The following PDPR variants were observed in gnomAD, a reference collection of about 807,000 sequenced individuals.
The protein encoded by PDPR is pyruvate dehydrogenase phosphatase regulatory subunit.
In PDPR, 50 loss-of-function variants were observed where a neutral mutation model predicts 102.2. The ratio of observed to expected loss-of-function variants is 0.49; its 90% CI spans 0.39 to 0.62. The LOEUF (loss-of-function observed/expected upper bound fraction) is 0.62. PDPR is among the 20% of genes least tolerant of loss of function. The pLI, the probability that PDPR is intolerant of heterozygous loss-of-function variation, is 0.00. For synonymous variants in PDPR, 259 were observed against 406.0 expected, an observed-to-expected ratio of 0.64 and a Z score of 4.35; for missense variants, 625 against 1,098.2, an observed-to-expected ratio of 0.57 and a Z score of 6.09.
rs1324631288 is a variant in PDPR at position 70,120,385 on chromosome 16, C to T, written c.-32-76C>T. ...ATTTGCTGAATGAATGGCTATCGTT[C>T]TTTGTCAAATCCCTTTCTCATTAAT... is the stretch of plus-strand genomic sequence containing the variant. On this transcript the variant is annotated intron_variant, in intron 2 of 18. Transcript: ENST00000288050. 7 of 781,778 alleles carry T rather than the reference C, an allele frequency of 9.0e-6. No homozygotes were observed. The Admixed American group carries it at 9.3e-5, about 10-fold the overall frequency. 48.4% of individuals were successfully genotyped at this position (781,778 alleles called of 1,614,324 possible).
At chr16:70,125,867 C>T (rs1963909364) in intron 3 of PDPR, among the ~76,000 whole-genome samples, 1 of 152,246 alleles carries the variant, frequency 6.6e-6, no homozygotes, top group South Asian at 2.1e-4. Flanking sequence ...CGCCTGACCT[C>T]AAGTGATCTG....
rs1391179026 is a variant in PDPR, at chr16:70,156,641, G to A, written c.2402G>A (p.Ser801Asn). ...RNGQYVGKTTSSAYSYSLERH... is the reference protein window; with the variant it reads ...RNGQYVGKTTNSAYSYSLERH... Reference sequence around the variant, plus strand: ...GGGCAGTATGTTGGCAAGACCACCAGCAGTGCCTACAGCTACAGCCTGGAG... The same window carrying A: ...GGGCAGTATGTTGGCAAGACCACCAACAGTGCCTACAGCTACAGCCTGGAG... Residue 801 changes from serine to asparagine, a missense_variant, in exon 19 of 19, where the codon AGC (serine) becomes AAC (asparagine). Around this residue, in one of 11 missense-constraint regions of PDPR, gnomAD observed 303 missense variants for 258.9 expected, o/e 1.17. Coordinates refer to ENST00000288050, the MANE Select transcript of PDPR (RefSeq NM_017990.5). 6.2e-7 allele frequency: 1 copy of A among 1,613,982 alleles called. No individual in the cohort carries two copies. Among genetic ancestry groups the A allele is most frequent in the Non-Finnish European group, 8.5e-7 (1 of 1,179,926 alleles).
At chr16:70,150,858 T>TA (rs1411632836) in intron 17 of PDPR, among the ~76,000 whole-genome samples, 16 of 152,264 alleles carry the variant, frequency 1.1e-4, no homozygotes, top group Non-Finnish European at 1.6e-4. Context: ...TAGCTCACTG[T>TA]AGCCTTGAAC....
chr16:70,150,531 A>ATTTTTTTTTTTTTTTT (rs71151175), intron 17 of PDPR, among the ~76,000 whole-genome samples: 2 of 138,298 alleles, frequency 1.4e-5, no homozygotes, highest in Non-Finnish European at 3.1e-5. Context: ...TTTTCTCTTA[A>ATTTTTTTTTTTTTTTT]TTTTTTTTTT....
chr16:70,115,920 T>C (rs1962591566), intron 2 of PDPR, among the ~76,000 whole-genome samples: 1 of 152,176 alleles, frequency 6.6e-6, no homozygotes. Flanking sequence ...TTGGTTTTGC[T>C]GCCAACCTTA....
intron 15 of PDPR, among the ~76,000 whole-genome samples, chr16:70,145,143 C>T (rs1164963156): frequency 6.6e-6 from 1 of 152,180 alleles, no homozygotes; most frequent in East Asian, 1.9e-4. Context: ...GTCCCAGCTA[C>T]TCATGAGGCT....
At chr16:70,134,406 A>G (rs1330197751) in intron 9 of PDPR, among the ~76,000 whole-genome samples, 2 of 151,774 alleles carry the variant, frequency 1.3e-5, no homozygotes, top group Non-Finnish European at 2.9e-5. Context: ...TTGTGTTTTT[A>G]GTAGAGATGG....
At chr16:70,140,882 G>A (rs1219439913) in intron 11 of PDPR, among the ~76,000 whole-genome samples, 3 of 152,236 alleles carry the variant, frequency 2.0e-5, no homozygotes, top group Non-Finnish European at 4.4e-5. Flanking sequence ...AGTACTAGGA[G>A]ATGGAGAGAT....
In PDPR at chr16:70,161,292, A is replaced by C. The variant is rs1967765469; in HGVS notation, c.*4413A>C. The stretch of plus-strand genomic sequence containing the variant: ...TGAGACTCTTGTCTCAAAAAAAAAA[A>C]AAAAAAAATCTAAGATAGAGGTTTG... On this transcript the variant is annotated 3_prime_UTR_variant, in exon 19 of 19. Transcript: ENST00000288050. The C allele has an allele frequency of 6.5e-6, 1 of 152,954 alleles. No individual in the cohort carries two copies. Among genetic ancestry groups the C allele is most frequent in the Non-Finnish European group, 1.5e-5 (1 of 68,662 alleles). The allele number at this position is 152,954 out of a possible 1,614,324, so 9.5% of individuals were successfully genotyped here.
intron 9 of PDPR, among the ~76,000 whole-genome samples, chr16:70,133,010 G>A (rs7201324): frequency 9.5e-3 from 1,445 of 151,478 alleles, no homozygotes; most frequent in African/African-American, 0.023. Context: ...ATGGGGTCTC[G>A]CTGTGTTGCC....
In PDPR at chr16:70,156,758, A is replaced by G. The variant is rs763932643; in HGVS notation, c.2519A>G (p.Tyr840Cys). The part of the protein sequence containing the change: ...VTADFINRGE[Y>C]EIDIAGYRFQ... ...GCAGATTTCATCAACCGGGGAGAGT[A>G]TGAGATTGACATCGCGGGATACCGC... Residue 840 changes from tyrosine to cysteine, a missense_variant, in exon 19 of 19, where the codon TAT (tyrosine) becomes TGT (cysteine). This residue lies in a region of PDPR where 303 missense variants were observed against 258.9 expected (regional missense o/e 1.17). Transcript: ENST00000288050. The G allele has an allele frequency of 1.2e-6, 2 of 1,614,106 alleles. No individual in the cohort carries two copies. Among genetic ancestry groups the G allele is most frequent in the Admixed American group, 1.7e-5 (1 of 60,036 alleles).
At chr16:70,118,242 C>T (rs1349053649) in intron 2 of PDPR, among the ~76,000 whole-genome samples, 1 of 152,166 alleles carries the variant, frequency 6.6e-6, no homozygotes, top group Non-Finnish European at 1.5e-5. Flanking sequence ...ATTAACTTTC[C>T]AGTGGATAAA....
chr16:70,157,742 A>T lies in PDPR; in HGVS notation c.*863A>T, dbSNP rs1407031885. On this transcript the variant is annotated 3_prime_UTR_variant, in exon 19 of 19. Transcript: ENST00000288050. ...CACCAGTGATGCTGAGTGTTCTGCT[A>T]TGGAAACAATGCTGCTTTTCTCTCA... is the stretch of plus-strand genomic sequence containing the variant. The T allele has an allele frequency of 1.3e-5, 2 of 156,196 alleles. No homozygotes were observed. Among genetic ancestry groups the T allele is most frequent in the Non-Finnish European group, 2.8e-5 (2 of 70,490 alleles). The allele number at this position is 156,196 out of a possible 1,614,324, so 9.7% of individuals were successfully genotyped here. A position where few individuals can be genotyped will look rare whatever the true frequency, so the allele number is the denominator to read the frequency against.
chr16:70,114,939 C>T lies in PDPR; in HGVS notation c.-33+9C>T, dbSNP rs1371492460. ...AAATCTGGGACAGGGCAGTAAGCTT[C>T]CTTCTTAATGTTTGACCTTTGGGGG... is the stretch of plus-strand genomic sequence containing the variant. On this transcript the variant is annotated intron_variant, in intron 2 of 18. Transcript: ENST00000288050. The T allele has an allele frequency of 6.6e-6, 1 of 152,186 alleles. No individual in the cohort carries two copies. The highest frequency in any genetic ancestry group is 2.4e-5 in the African/African-American group (1 of 41,446). The allele number at this position is 152,186 out of a possible 1,614,324, so 9.4% of individuals were successfully genotyped here.
At chr16:70,133,110 G>GTTT (rs1567536026) in intron 9 of PDPR, among the ~76,000 whole-genome samples, 1 of 61,012 alleles carries the variant, frequency 1.6e-5, no homozygotes, top group African/African-American at 7.4e-5. Context: ...ATACCCAGCT[G>GTTT]CTTTTTTTTT....
chr16:70,156,378 C>T, intron 18 of PDPR, 97 bp from the exon 19 acceptor site: 1 of 1,439,136 alleles, frequency 6.9e-7, no homozygotes, highest in Non-Finnish European at 9.5e-7. Context: ...GGCTGTGCCC[C>T]ATTGCAGTGA....
rs1357323339 is a variant in PDPR, at chr16:70,162,153, A to G, written c.*5274A>G. The G allele has an allele frequency of 6.6e-6, 1 of 152,546 alleles. No individual in the cohort carries two copies. Among genetic ancestry groups the G allele is most frequent in the Non-Finnish European group, 1.5e-5 (1 of 68,218 alleles). The allele number at this position is 152,546 out of a possible 1,614,324, so 9.4% of individuals were successfully genotyped here. On this transcript the variant is annotated 3_prime_UTR_variant, in exon 19 of 19. Coordinates refer to ENST00000288050, the MANE Select transcript of PDPR (RefSeq NM_017990.5). ...CTTCGGAACAATGGGCGTGGGGTAG[A>G]AAGCTCTTTCAGTGAAGGGTGTTCT...
chr16:70,124,448 T>G (rs1169179109), intron 3 of PDPR, among the ~76,000 whole-genome samples: 2 of 152,268 alleles, frequency 1.3e-5, no homozygotes, highest in African/African-American at 4.8e-5. Context: ...CTCTTGTCCA[T>G]CTTCACTATT....
chr16:70,121,428 A>C (rs1219916935), intron 3 of PDPR, among the ~76,000 whole-genome samples: 1 of 151,762 alleles, frequency 6.6e-6, no homozygotes, highest in Non-Finnish European at 1.5e-5. Context: ...ATGGTGGCTC[A>C]CACTTGTAAT....
Sources: gnomAD v4.1 joint callset for allele counts (sites outside exome capture counted in the v4.1 genomes callset) on GRCh38, gnomAD v4.1.1 for gene constraint, gnomAD v4.1.1 regional missense constraint, MANE v1.5 for transcripts, NCBI Gene and HGNC (gene_info 2026-07-23, HGNC 2026-07-21) for gene names.